The following PARD3 variants were observed in gnomAD, a reference collection of about 807,000 sequenced individuals.
The protein encoded by PARD3 is par-3 family cell polarity regulator, also known as partitioning defective 3 homolog.
PARD3 carries 75 observed loss-of-function variants against 155.4 expected under a neutral mutation model. That is an observed-to-expected ratio of 0.48 (90% CI 0.40 to 0.58). The LOEUF is 0.58. PARD3 is among the 20% of genes least tolerant of loss of function. The pLI is 0.00. For missense variants in PARD3, 1,642 were observed against 1,721.7 expected (o/e 0.95, Z 0.82); for synonymous variants, 576 against 610.5 (o/e 0.94, Z 0.83).
At chr10:34,120,580 A>C (rs1223845512) in intron 23 of PARD3, among the ~76,000 whole-genome samples, 2 of 152,196 alleles carry the variant, frequency 1.3e-5, no homozygotes, top group Non-Finnish European at 2.9e-5. Flanking sequence ...TTCCCTTTCT[A>C]GTACAGGATG....
At chr10:34,794,659 T>C (rs1292623599) in intron 1 of PARD3, among the ~76,000 whole-genome samples, 1 of 152,218 alleles carries the variant, frequency 6.6e-6, no homozygotes, top group East Asian at 1.9e-4. Flanking sequence ...AGATGCCACA[T>C]AAACCTAAGA....
intron 19 of PARD3, among the ~76,000 whole-genome samples, chr10:34,327,353 AG>A (rs1161424717): frequency 6.6e-6 from 1 of 152,186 alleles, no homozygotes; most frequent in East Asian, 1.9e-4. Context: ...CCATCTCCAC[AG>A]GAAGAATGTA....
At chr10:34,280,028 G>C (rs1033437140) in intron 21 of PARD3, among the ~76,000 whole-genome samples, 1 of 152,102 alleles carries the variant, frequency 6.6e-6, no homozygotes, top group Admixed American at 6.5e-5. Flanking sequence ...GCTTTCAATG[G>C]CTGAATAACT....
At chr10:34,251,183 C>T (rs1954284570) in intron 22 of PARD3, among the ~76,000 whole-genome samples, 1 of 152,164 alleles carries the variant, frequency 6.6e-6, no homozygotes, top group Admixed American at 6.5e-5. Flanking sequence ...TCAGTTGTAT[C>T]ATGAAATACA....
At chr10:34,488,432 A>C (rs960325761) in intron 3 of PARD3, among the ~76,000 whole-genome samples, 2 of 151,848 alleles carry the variant, frequency 1.3e-5, no homozygotes, top group East Asian at 3.9e-4. Flanking sequence ...GGATCCTCCC[A>C]CCCCTGCCTC....
chr10:34,727,114 G>A (rs2094728150), intron 1 of PARD3, among the ~76,000 whole-genome samples: 1 of 152,200 alleles, frequency 6.6e-6, no homozygotes, highest in Admixed American at 6.5e-5. Context: ...TCTGCACCCT[G>A]TGTGGTGGGG....
At chr10:34,730,912 T>G (rs931664791) in intron 1 of PARD3, among the ~76,000 whole-genome samples, 3 of 152,190 alleles carry the variant, frequency 2.0e-5, no homozygotes, top group Admixed American at 1.3e-4. Flanking sequence ...GAACCACAAC[T>G]ATTCATTTCT....
chr10:34,808,805 C>T (rs1015046790), intron 1 of PARD3, among the ~76,000 whole-genome samples: 1 of 152,212 alleles, frequency 6.6e-6, no homozygotes, highest in Non-Finnish European at 1.5e-5. Context: ...ACCAATTTAT[C>T]CATGTCTACC....
chr10:34,161,644 T>A (rs1949286516), intron 22 of PARD3, among the ~76,000 whole-genome samples: 2 of 152,180 alleles, frequency 1.3e-5, no homozygotes, highest in Admixed American at 6.5e-5. Flanking sequence ...ACAATCACTA[T>A]GACAATAGCT....
intron 5 of PARD3, among the ~76,000 whole-genome samples, chr10:34,418,255 T>C (rs1204100390): frequency 2.0e-5 from 3 of 151,946 alleles, no homozygotes; most frequent in African/African-American, 4.8e-5. Flanking sequence ...GCTCAATGCA[T>C]ACTCGACCTC....
chr10:34,627,328 G>C (rs1470976459), intron 2 of PARD3, among the ~76,000 whole-genome samples: 1 of 152,182 alleles, frequency 6.6e-6, no homozygotes, highest in Admixed American at 6.5e-5. Flanking sequence ...GTGCCCAGCT[G>C]CCCATCTATT....
Position 34,719,626 on chromosome 10 carries a change from A to G in PARD3, c.121-23207T>C, listed in dbSNP as rs1037676426. 4.6e-5 allele frequency among the ~76,000 whole-genome samples: 7 copies of G among 152,310 alleles called. No homozygotes were observed. In the South Asian group the frequency reaches 1.4e-3, roughly 32 times the overall value. ...CTACCTTTTTAGTTAGACCTGCTCGATATCATACAGCAAGCAGATTATTTC... is the reference window on the plus strand; with the variant it reads ...CTACCTTTTTAGTTAGACCTGCTCGGTATCATACAGCAAGCAGATTATTTC... On this transcript the variant is annotated intron_variant, in intron 1 of 24. Transcript: ENST00000374788.
At chr10:34,414,943 G>A (rs1845519100) in intron 5 of PARD3, among the ~76,000 whole-genome samples, 1 of 152,092 alleles carries the variant, frequency 6.6e-6, no homozygotes. Flanking sequence ...AGAGGAATGG[G>A]GGTGGGCAGA....
chr10:34,382,964 G>C (rs1265089962), intron 8 of PARD3, 42 bp from the exon 9 acceptor site: 2 of 1,600,044 alleles, frequency 1.2e-6, no homozygotes, highest in Non-Finnish European at 1.7e-6. Flanking sequence ...ATTAAGACTG[G>C]CAGACTAGAA....
At chr10:34,718,164 A>C (rs28528696) in intron 1 of PARD3, among the ~76,000 whole-genome samples, 5,339 of 151,512 alleles carry the variant, frequency 0.035, 354 homozygotes, top group African/African-American at 0.12. Context: ...AAAAAAAAAA[A>C]AAAAATCAAT....
At chr10:34,319,078 C>CTTTTT (rs34948436) in intron 19 of PARD3, among the ~76,000 whole-genome samples, 5 of 114,600 alleles carry the variant, frequency 4.4e-5, no homozygotes, top group Non-Finnish European at 3.6e-5. Context: ...TGCACCCAGA[C>CTTTTT]TTTTTTTTTT....
intron 22 of PARD3, among the ~76,000 whole-genome samples, chr10:34,239,619 T>TG (rs1239517278): frequency 6.6e-6 from 1 of 152,074 alleles, no homozygotes; most frequent in African/African-American, 2.4e-5. Flanking sequence ...CTGACCAACC[T>TG]GGTAAAACTT....
At chr10:34,787,467 TAAG>T (rs1841115917) in intron 1 of PARD3, among the ~76,000 whole-genome samples, 1 of 152,116 alleles carries the variant, frequency 6.6e-6, no homozygotes, top group South Asian at 2.1e-4. Context: ...CCCACGTCCG[TAAG>T]AAGGTGAGCA....
At chr10:34,573,588 T>C (rs2086610715) in intron 2 of PARD3, among the ~76,000 whole-genome samples, 1 of 152,008 alleles carries the variant, frequency 6.6e-6, no homozygotes. Flanking sequence ...GCACCTGTAG[T>C]ACCAACTACT....
Sources: allele counts gnomAD v4.1 joint callset (sites outside exome capture counted in the v4.1 genomes callset), GRCh38; gene constraint gnomAD v4.1.1; transcripts MANE v1.5; gene names NCBI Gene and HGNC (gene_info 2026-07-23, HGNC 2026-07-21).